Variants in BICD1 observed in about 807,000 individuals in gnomAD.
The protein encoded by BICD1 is protein bicaudal D homolog 1.
BICD1 carries 35 observed loss-of-function variants against 92.5 expected under a neutral mutation model. That is an observed-to-expected ratio of 0.38 (90% CI 0.29 to 0.50). The LOEUF (loss-of-function observed/expected upper bound fraction) is 0.50. BICD1 is among the 20% of genes least tolerant of loss of function. The probability of loss-of-function intolerance (pLI) is 0.93; values close to 1 mark genes in which losing one functional copy is unlikely to be tolerated. For synonymous variants in BICD1, 429 were observed against 465.1 expected (o/e 0.92, Z 1.00); for missense variants, 950 against 1,189.8 (o/e 0.80, Z 2.97).
At chr12:32,299,500 A>G (rs1187346352) in intron 3 of BICD1, among the ~76,000 whole-genome samples, 1 of 152,174 alleles carries the variant, frequency 6.6e-6, no homozygotes, top group East Asian at 1.9e-4. Flanking sequence ...GAGAAACATG[A>G]AACAGCTGGG....
At chr12:32,274,114 AAG>A (rs1472284766) in intron 2 of BICD1, among the ~76,000 whole-genome samples, 1 of 152,218 alleles carries the variant, frequency 6.6e-6, no homozygotes, top group African/African-American at 2.4e-5. Context: ...CCTTGGTAAG[AAG>A]AGTTCTTTTC....
intron 1 of BICD1, among the ~76,000 whole-genome samples, chr12:32,141,997 C>CAA (rs1942936973): frequency 6.6e-6 from 1 of 152,028 alleles, no homozygotes; most frequent in African/African-American, 2.4e-5. Context: ...TAAATCTTAT[C>CAA]AATGTTTTAC....
At chr12:32,367,216 C>T (rs753691561) in intron 8 of BICD1, among the ~76,000 whole-genome samples, 1 of 152,112 alleles carries the variant, frequency 6.6e-6, no homozygotes, top group Non-Finnish European at 1.5e-5. Context: ...TCTCAAGTTA[C>T]CTATGGGACT....
chr12:32,337,795 G>T lies in BICD1; in HGVS notation c.2549G>T (p.Ser850Ile). ...QGPQTPNIRV[S>I]SGTQRKRQFS... ...CCACAGACACCCAACATTCGGGTCA[G>T]CAGTGGCACTCAGAGGAAAAGGTAT... is the stretch of plus-strand genomic sequence containing the variant. Residue 850 changes from serine to isoleucine, a missense_variant, in exon 7 of 10, where the codon AGC becomes ATC. Ser to Ile is a moderately radical substitution (Grantham distance 142). Coordinates refer to ENST00000652176, the MANE Select transcript of BICD1 (RefSeq NM_001714.4). This position sits in a 1 kb window ranked among gnomAD's most constrained non-coding sequence, Gnocchi z 4.7. The T allele has an allele frequency of 6.2e-7, 1 of 1,614,202 alleles. No individual in the cohort carries two copies. Among genetic ancestry groups the T allele is most frequent in the Non-Finnish European group, 8.5e-7 (1 of 1,180,038 alleles).
intron 9 of BICD1, among the ~76,000 whole-genome samples, chr12:32,373,114 T>A (rs1366801594): frequency 6.6e-6 from 1 of 152,196 alleles, no homozygotes; most frequent in African/African-American, 2.4e-5. Flanking sequence ...TGAAGATGTA[T>A]CCAATTTTAT....
chr12:32,237,802 C>T (rs1478750937), intron 2 of BICD1, among the ~76,000 whole-genome samples: 5 of 152,312 alleles, frequency 3.3e-5, no homozygotes, highest in East Asian at 3.9e-4. Context: ...TGTACCTGGT[C>T]ACCCAAGAGC....
At chr12:32,155,201 C>T (rs1019596447) in intron 1 of BICD1, among the ~76,000 whole-genome samples, 5 of 152,342 alleles carry the variant, frequency 3.3e-5, no homozygotes, top group African/African-American at 1.2e-4. Context: ...CGGCCACTGA[C>T]AGTCTTATTG....
chr12:32,120,323 T>G (rs1402198124), intron 1 of BICD1, among the ~76,000 whole-genome samples: 24 of 152,254 alleles, frequency 1.6e-4, no homozygotes, highest in Admixed American at 1.6e-3. Flanking sequence ...TTTCTATCTT[T>G]AAATATAGAA....
intron 2 of BICD1, among the ~76,000 whole-genome samples, chr12:32,258,965 C>G (rs1240665788): frequency 6.6e-6 from 1 of 152,122 alleles, no homozygotes; most frequent in East Asian, 1.9e-4. Flanking sequence ...GCTGGTGGAG[C>G]AGAGTGTTCC....
At chr12:32,311,838 C>T (rs11833592) in intron 4 of BICD1, among the ~76,000 whole-genome samples, 25,449 of 152,156 alleles carry the variant, frequency 0.17, 2,572 homozygotes, top group East Asian at 0.3. Context: ...AAAGGGGATT[C>T]TCTACAGAAT....
intron 1 of BICD1, among the ~76,000 whole-genome samples, chr12:32,139,567 T>C (rs1195386098): frequency 6.6e-6 from 1 of 152,138 alleles, no homozygotes; most frequent in Non-Finnish European, 1.5e-5. Flanking sequence ...GGTTTTTTTG[T>C]TTATTTGTTT....
chr12:32,134,492 A>G (rs1160827935), intron 1 of BICD1, among the ~76,000 whole-genome samples: 1 of 152,220 alleles, frequency 6.6e-6, no homozygotes, highest in East Asian at 1.9e-4. Flanking sequence ...AATATAAAAA[A>G]AGACCTTCTC....
chr12:32,306,837 A>G (rs1948241720), intron 4 of BICD1, among the ~76,000 whole-genome samples: 1 of 151,794 alleles, frequency 6.6e-6, no homozygotes, highest in African/African-American at 2.4e-5. Context: ...CAACATGGTA[A>G]AACCCCATCG....
intron 2 of BICD1, among the ~76,000 whole-genome samples, chr12:32,244,604 A>G (rs1946323135): frequency 6.6e-6 from 1 of 151,396 alleles, no homozygotes; most frequent in South Asian, 2.1e-4. Context: ...TTTTTTCTTA[A>G]GTCTTAGTTT....
At chr12:32,169,886 G>A (rs1371252419) in intron 1 of BICD1, among the ~76,000 whole-genome samples, 1 of 152,176 alleles carries the variant, frequency 6.6e-6, no homozygotes, top group African/African-American at 2.4e-5. Flanking sequence ...ATGAGCCACT[G>A]CGCCTGGCCC....
chr12:32,145,823 T>C (rs1943084464), intron 1 of BICD1, among the ~76,000 whole-genome samples: 12 of 152,226 alleles, frequency 7.9e-5, no homozygotes. Context: ...TGACAATACA[T>C]TTATAGATAC....
chr12:32,273,357 TA>T (rs1947191451), intron 2 of BICD1, among the ~76,000 whole-genome samples: 1 of 152,126 alleles, frequency 6.6e-6, no homozygotes, highest in Non-Finnish European at 1.5e-5. Flanking sequence ...TGGTAGAGTA[TA>T]AACTGGAGGA....
At chr12:32,122,511 CA>C (rs1942193450) in intron 1 of BICD1, among the ~76,000 whole-genome samples, 1 of 149,780 alleles carries the variant, frequency 6.7e-6, no homozygotes, top group Non-Finnish European at 1.5e-5. Context: ...AAACAAATAA[CA>C]AAAAAAGAAG....
intron 8 of BICD1, among the ~76,000 whole-genome samples, chr12:32,358,126 G>C (rs1385991444): frequency 1.3e-5 from 2 of 152,126 alleles, no homozygotes; most frequent in Non-Finnish European, 2.9e-5. Context: ...TTTTGAGACA[G>C]AGTCTCGCTC....
Sources: allele counts gnomAD v4.1 joint callset (sites outside exome capture counted in the v4.1 genomes callset), GRCh38; gene constraint gnomAD v4.1.1; non-coding constraint Gnocchi (gnomAD v3.1); transcripts MANE v1.5; gene names NCBI Gene and HGNC (gene_info 2026-07-23, HGNC 2026-07-21).